The following PCDH9 variants were observed in gnomAD, a reference collection of about 807,000 sequenced individuals.
The protein encoded by PCDH9 is protocadherin-9.
In PCDH9, 24 loss-of-function variants were observed where a neutral mutation model predicts 70.6. That is an observed-to-expected ratio of 0.34 (90% CI 0.25 to 0.48). PCDH9 has a LOEUF of 0.48. Ranked by LOEUF, PCDH9 falls within the 20% of genes least tolerant of loss-of-function variation. PCDH9 has a pLI of 0.99. For synonymous variants in PCDH9, 562 were observed against 558.5 expected, an observed-to-expected ratio of 1.01 and a Z score of -0.09; for missense variants, 1,281 against 1,503.6, an observed-to-expected ratio of 0.85 and a Z score of 2.45.
intron 3 of PCDH9, among the ~76,000 whole-genome samples, chr13:66,798,450 C>T (rs892835688): frequency 6.6e-6 from 1 of 152,054 alleles, no homozygotes; most frequent in African/African-American, 2.4e-5. Context: ...AGACAAAAGA[C>T]TAATGTTCCA....
chr13:66,717,193 C>A (rs752936996), intron 3 of PCDH9, among the ~76,000 whole-genome samples: 1 of 151,830 alleles, frequency 6.6e-6, no homozygotes, highest in African/African-American at 2.4e-5. Context: ...CGGTGGCTCA[C>A]GCCTGTAACT....
chr13:67,149,833 G>A (rs2087612781), intron 2 of PCDH9, among the ~76,000 whole-genome samples: 1 of 152,020 alleles, frequency 6.6e-6, no homozygotes, highest in Admixed American at 6.6e-5. Flanking sequence ...ATGCAAATTA[G>A]CATGTTTAAT....
At chr13:66,646,937 C>T (rs1029000420) in intron 3 of PCDH9, among the ~76,000 whole-genome samples, 1 of 152,036 alleles carries the variant, frequency 6.6e-6, no homozygotes, top group Admixed American at 6.5e-5. Context: ...CATTGGAACT[C>T]GGTGCTGCCC....
chr13:67,208,188 C>T (rs1289487878), intron 2 of PCDH9: 2 of 152,168 alleles, frequency 1.3e-5, no homozygotes, highest in Non-Finnish European at 2.9e-5. Context: ...GCTAATATTT[C>T]ATCAATCAAT....
chr13:67,151,989 T>C (rs892091360), intron 2 of PCDH9, among the ~76,000 whole-genome samples: 24 of 152,302 alleles, frequency 1.6e-4, no homozygotes, highest in Admixed American at 1.2e-3. Context: ...GGATACTTTC[T>C]CATCTCATAA....
Position 67,122,587 on chromosome 13 carries a change from A to G in PCDH9, c.3036+102818T>C, listed in dbSNP as rs866127885. Among the ~76,000 whole-genome samples, 80 of 152,050 alleles carry G rather than the reference A, an allele frequency of 5.3e-4. 3 individuals are homozygous for G. Among genetic ancestry groups the G allele is most frequent in the South Asian group, 8.3e-4 (4 of 4,814 alleles). On this transcript the variant is annotated intron_variant, in intron 2 of 4. Transcript: ENST00000377865. ...CAGGAGATGGAGACCATCTTGGCCAACATGGTGAAACCCTGTCTGTACTAA... is the reference window on the plus strand; with the variant it reads ...CAGGAGATGGAGACCATCTTGGCCAGCATGGTGAAACCCTGTCTGTACTAA...
At chr13:66,736,553 A>G (rs748088822) in intron 3 of PCDH9, among the ~76,000 whole-genome samples, 4 of 152,166 alleles carry the variant, frequency 2.6e-5, no homozygotes, top group Non-Finnish European at 5.9e-5. Flanking sequence ...AGATTTTGTT[A>G]TTGTGACATT....
intron 2 of PCDH9, among the ~76,000 whole-genome samples, chr13:67,124,868 CACTT>C (rs916239760): frequency 2.6e-5 from 4 of 152,264 alleles, no homozygotes; most frequent in African/African-American, 9.6e-5. Flanking sequence ...CTCCCCCTAA[CACTT>C]ACCCATGGTT....
chr13:67,002,206 T>C lies in PCDH9; in HGVS notation c.3037-98601A>G, dbSNP rs188091567. Among the ~76,000 whole-genome samples the C allele has an allele frequency of 9.8e-4, 149 of 152,174 alleles. 1 individual carries two copies. The highest frequency in any genetic ancestry group is 1.9e-3 in the Admixed American group (29 of 15,286). The stretch of plus-strand genomic sequence containing the variant: ...AAAGCAGAGTAATTATGAAGAAAAA[T>C]ATTTATTATTAAAAATTTAATTTGC... On this transcript the variant is annotated intron_variant, in intron 2 of 4. Transcript: ENST00000377865.
intron 3 of PCDH9, among the ~76,000 whole-genome samples, chr13:66,865,492 C>A (rs2081557615): frequency 6.6e-6 from 1 of 152,138 alleles, no homozygotes; most frequent in South Asian, 2.1e-4. Flanking sequence ...AAAATTATAT[C>A]TTTTGATCCT....
intron 4 of PCDH9, among the ~76,000 whole-genome samples, chr13:66,316,223 C>G (rs1307215820): frequency 6.6e-6 from 1 of 152,162 alleles, no homozygotes; most frequent in Admixed American, 6.5e-5. Flanking sequence ...GGATAATCTT[C>G]CCATCTCAAA....
chr13:66,549,559 T>G (rs1020586370), intron 4 of PCDH9, among the ~76,000 whole-genome samples: 1 of 152,242 alleles, frequency 6.6e-6, no homozygotes, highest in African/African-American at 2.4e-5. Flanking sequence ...TTTTTTGGAC[T>G]GGGTCCAGGG....
At chr13:66,909,071 C>T (rs911413645) in intron 2 of PCDH9, among the ~76,000 whole-genome samples, 4 of 151,448 alleles carry the variant, frequency 2.6e-5, no homozygotes, top group Non-Finnish European at 5.9e-5. Flanking sequence ...TTTTTAATTG[C>T]TTTTTTGAGT....
intron 2 of PCDH9, among the ~76,000 whole-genome samples, chr13:67,005,007 C>T (rs1053352399): frequency 2.0e-5 from 3 of 151,986 alleles, no homozygotes; most frequent in African/African-American, 7.3e-5. Context: ...TCTTTTTCCT[C>T]CTCTCTGTAA....
At chr13:66,617,345 T>G (rs895684626) in intron 4 of PCDH9, among the ~76,000 whole-genome samples, 1 of 152,136 alleles carries the variant, frequency 6.6e-6, no homozygotes, top group African/African-American at 2.4e-5. Flanking sequence ...CTACTCTCTT[T>G]CTAGATGGGT....
At chr13:66,554,107 G>A (rs1295201523) in intron 4 of PCDH9, among the ~76,000 whole-genome samples, 1 of 152,012 alleles carries the variant, frequency 6.6e-6, no homozygotes. Flanking sequence ...AAACTATATT[G>A]TTTATAACAC....
At chr13:66,892,017 G>T (rs1022937009) in intron 3 of PCDH9, among the ~76,000 whole-genome samples, 12 of 151,648 alleles carry the variant, frequency 7.9e-5, no homozygotes, top group Non-Finnish European at 1.6e-4. Flanking sequence ...AATAAATGAT[G>T]TGGCCTATTA....
chr13:66,911,192 T>TCTATGTCAAAC (rs2082459559), intron 2 of PCDH9, among the ~76,000 whole-genome samples: 1 of 152,126 alleles, frequency 6.6e-6, no homozygotes, highest in African/African-American at 2.4e-5. Context: ...AGCAGGTTCC[T>TCTATGTCAAAC]TCTAAATGTG....
intron 4 of PCDH9, among the ~76,000 whole-genome samples, chr13:66,488,715 G>C (rs1001381037): frequency 3.3e-4 from 50 of 152,114 alleles, no homozygotes; most frequent in African/African-American, 1.2e-3. Flanking sequence ...TTATATATGT[G>C]TGTGAATTTA....
Sources: gnomAD v4.1 joint callset for allele counts (sites outside exome capture counted in the v4.1 genomes callset) on GRCh38, gnomAD v4.1.1 for gene constraint, MANE v1.5 for transcripts, NCBI Gene and HGNC (gene_info 2026-07-23, HGNC 2026-07-21) for gene names.